DMTF1: variants seen among roughly 807,000 people sequenced by gnomAD.
The protein encoded by DMTF1 is cyclin D binding myb like transcription factor 1.
A neutral mutation model predicts 91.1 loss-of-function variants in DMTF1; 39 were observed. The ratio of observed to expected loss-of-function variants is 0.43; its 90% confidence interval spans 0.33 to 0.56. DMTF1 has a LOEUF of 0.56. Ranked by LOEUF, DMTF1 falls within the 20% of genes least tolerant of loss-of-function variation. The pLI is 0.05. For synonymous variants in DMTF1, 338 were observed against 309.5 expected (o/e 1.09, Z -0.97); for missense variants, 750 against 914.5 (o/e 0.82, Z 2.32).
At chr7:87,160,111 T>C (rs1791872728) in intron 1 of DMTF1, among the ~76,000 whole-genome samples, 1 of 152,132 alleles carries the variant, frequency 6.6e-6, no homozygotes. Context: ...AACTTTCTAC[T>C]CTACTATCAC....
intron 13 of DMTF1, 77 bp from the exon 14 acceptor site, chr7:87,190,868 T>G: frequency 2.5e-6 from 3 of 1,210,066 alleles, no homozygotes; most frequent in Non-Finnish European, 3.5e-6. Context: ...GATAATTGAG[T>G]ACACTAGAGA....
chr7:87,165,420 A>T (rs1793606764), intron 3 of DMTF1, among the ~76,000 whole-genome samples: 1 of 152,224 alleles, frequency 6.6e-6, no homozygotes, highest in African/African-American at 2.4e-5. Context: ...ATGACTTAAT[A>T]TGGTGATCTA....
intron 4 of DMTF1, among the ~76,000 whole-genome samples, chr7:87,170,436 C>T (rs1794806375): frequency 6.6e-6 from 1 of 152,208 alleles, no homozygotes; most frequent in African/African-American, 2.4e-5. Flanking sequence ...TACACAATCT[C>T]CTACTGTTCT....
chr7:87,165,101 C>T (rs1266927991), intron 3 of DMTF1, 51 bp downstream of exon 3: 9 of 1,413,964 alleles, frequency 6.4e-6, no homozygotes, highest in African/African-American at 2.8e-5. Context: ...TTATGAATTC[C>T]ATGTCACTTT....
intron 1 of DMTF1, chr7:87,155,471 A>C (rs1485039137): frequency 6.6e-6 from 1 of 152,202 alleles, no homozygotes; most frequent in African/African-American, 2.4e-5. Flanking sequence ...TATGTCTCCA[A>C]ATGATACAAG....
chr7:87,166,452 A>T, intron 3 of DMTF1, 31 bp from the exon 4 acceptor site: 1 of 1,587,488 alleles, frequency 6.3e-7, no homozygotes, highest in Non-Finnish European at 8.6e-7. Flanking sequence ...CTTTGGTTTG[A>T]AATTTTTGTT....
intron 8 of DMTF1, among the ~76,000 whole-genome samples, chr7:87,180,962 TCTC>T (rs1372713812): frequency 2.0e-5 from 3 of 151,612 alleles, no homozygotes; most frequent in African/African-American, 7.3e-5. Flanking sequence ...TTCAAGCTAT[TCTC>T]CTGCCTCAGC....
At chr7:87,172,097 T>C (rs1285991333) in intron 5 of DMTF1, among the ~76,000 whole-genome samples, 3 of 152,224 alleles carry the variant, frequency 2.0e-5, no homozygotes, top group Admixed American at 6.5e-5. Context: ...TTCTACATTA[T>C]AGTTCTTAAA....
chr7:87,188,370 T>G (rs1798940393), intron 13 of DMTF1, 69 bp downstream of exon 13: 1 of 1,523,808 alleles, frequency 6.6e-7, no homozygotes, highest in Non-Finnish European at 9.0e-7. Flanking sequence ...TCTGATGTCT[T>G]TTGGTTTTCT....
rs200544256 is a variant in DMTF1 at position 87,194,840 on chromosome 7, T to C, written c.2173+12T>C. 11 of 1,593,730 alleles carry C rather than the reference T, an allele frequency of 6.9e-6. No homozygotes were observed. The East Asian group carries it at 1.6e-4, about 23-fold the overall frequency. ...GACAACACTAACAGGTACTGTAATATAATACTTACTATGTGCCTGATAAAT... is the reference window on the plus strand; with the variant it reads ...GACAACACTAACAGGTACTGTAATACAATACTTACTATGTGCCTGATAAAT... On this transcript the variant is annotated intron_variant, in intron 17 of 17. Transcript: ENST00000331242.
At chr7:87,172,026 T>C (rs996243212) in intron 5 of DMTF1, among the ~76,000 whole-genome samples, 4 of 152,220 alleles carry the variant, frequency 2.6e-5, no homozygotes, top group African/African-American at 4.8e-5. Context: ...AGACATACTT[T>C]GGGAAATGGT....
rs755733122 is a variant in DMTF1, at chr7:87,194,039, C to A, written c.1965C>A (p.Ile655=). 6.2e-6 allele frequency: 10 copies of A among 1,612,454 alleles called. No individual in the cohort carries two copies. In the South Asian group the frequency reaches 1.1e-4, roughly 18 times the overall value. Residue 655 remains isoleucine, a synonymous_variant, in exon 16 of 18, where the codon ATC becomes ATA. Transcript: ENST00000331242. ...NSVMVRTEEE[I]SDTDLKQEES... is the part of the protein sequence containing the mutation. The stretch of plus-strand genomic sequence containing the variant: ...TTATGGTCAGAACAGAAGAAGAAAT[C>A]TCTGACACCGACCTTAAACAAGAGG...
chr7:87,184,946 C>G (rs1332209629), intron 11 of DMTF1: 3 of 485,242 alleles, frequency 6.2e-6, no homozygotes, highest in Non-Finnish European at 1.2e-5. Context: ...CAATGTGCCT[C>G]AGTCCTAGCC....
chr7:87,169,911 G>A (rs1794695645), intron 4 of DMTF1, among the ~76,000 whole-genome samples: 1 of 152,102 alleles, frequency 6.6e-6, no homozygotes, highest in African/African-American at 2.4e-5. Flanking sequence ...CTTTTTAGGT[G>A]ATCTCAACTC....
intron 7 of DMTF1, among the ~76,000 whole-genome samples, chr7:87,178,439 AATTTGATAAGAC>A (rs1796694372): frequency 1.3e-5 from 2 of 152,006 alleles, no homozygotes; most frequent in African/African-American, 2.4e-5. Flanking sequence ...AGTGAATCCT[AATTTGATAAGAC>A]ATACGAATAT....
chr7:87,170,613 C>T (rs1175264993), intron 4 of DMTF1, among the ~76,000 whole-genome samples: 1 of 152,130 alleles, frequency 6.6e-6, no homozygotes, highest in Non-Finnish European at 1.5e-5. Context: ...GTCACTTTTC[C>T]TAGCCTCCTA....
intron 5 of DMTF1, among the ~76,000 whole-genome samples, chr7:87,172,811 T>TC (rs1795384570): frequency 1.3e-5 from 2 of 152,366 alleles, no homozygotes; most frequent in South Asian, 2.1e-4. Flanking sequence ...GCAGCTTTTT[T>TC]CCCCTACAGG....
rs143748474 is a variant in DMTF1, at chr7:87,155,331, C to T, written c.-132+2776C>T. Reference sequence around the variant, plus strand: ...GCATATTTAACACTGAGGTGGTGTTCTGCCTTTCCAAAATGGAGTTTTCCA... The same window carrying T: ...GCATATTTAACACTGAGGTGGTGTTTTGCCTTTCCAAAATGGAGTTTTCCA... On this transcript the variant is annotated intron_variant, in intron 1 of 17. Transcript: ENST00000331242. 7.2e-5 allele frequency: 11 copies of T among 152,178 alleles called. No individual in the cohort carries two copies. The East Asian group carries it at 2.1e-3, about 29-fold the overall frequency. The allele number at this position is 152,178 out of a possible 1,614,324, so 9.4% of individuals were successfully genotyped here. A position where few individuals can be genotyped will look rare whatever the true frequency, so the allele number is the denominator to read the frequency against.
chr7:87,193,523 T>C (rs1193997217), intron 15 of DMTF1, 170 bp downstream of exon 15: 1 of 818,230 alleles, frequency 1.2e-6, no homozygotes, highest in East Asian at 2.7e-5. Flanking sequence ...TTTCATCCCT[T>C]CTCTTTATGT....
Sources: gnomAD v4.1 joint callset for allele counts (sites outside exome capture counted in the v4.1 genomes callset) on GRCh38, gnomAD v4.1.1 for gene constraint, MANE v1.5 for transcripts, NCBI Gene and HGNC (gene_info 2026-07-23, HGNC 2026-07-21) for gene names.